ARID1B: variants seen among roughly 807,000 people sequenced by gnomAD.
ARID1B encodes AT-rich interactive domain-containing protein 1B.
ARID1B carries 30 observed loss-of-function variants against 212.3 expected under a neutral mutation model. The observed-to-expected ratio is 0.14, with a 90% CI of 0.11 to 0.19. ARID1B has a LOEUF of 0.19. ARID1B is among the 10% of genes least tolerant of loss of function. The pLI, the probability that ARID1B is intolerant of heterozygous loss-of-function variation, is 1.00. For synonymous variants in ARID1B, 1,402 were observed against 1,301.7 expected, an observed-to-expected ratio of 1.08 and a Z score of -1.66; for missense variants, 2,891 against 3,204.0, an observed-to-expected ratio of 0.90 and a Z score of 2.36.
intron 4 of ARID1B, among the ~76,000 whole-genome samples, chr6:157,045,507 C>T (rs749162845): frequency 1.3e-5 from 2 of 152,144 alleles, no homozygotes; most frequent in African/African-American, 2.4e-5. Context: ...CTCTCTGTCA[C>T]CCAGGCTGGA....
intron 12 of ARID1B, 123 bp from the exon 13 acceptor site, chr6:157,184,105 AATG>A: frequency 1.3e-6 from 1 of 798,550 alleles, no homozygotes; most frequent in Non-Finnish European, 2.0e-6. Flanking sequence ...GAGTGGGAGT[AATG>A]AGCATTAGTT....
chr6:157,085,112 A>G (rs1562605127), intron 5 of ARID1B, among the ~76,000 whole-genome samples: 1 of 152,204 alleles, frequency 6.6e-6, no homozygotes, highest in Non-Finnish European at 1.5e-5. Flanking sequence ...AAAATGACCA[A>G]TTACTTTGAT....
At chr6:156,830,336 C>G (rs189060308) in intron 2 of ARID1B, among the ~76,000 whole-genome samples, 1 of 152,144 alleles carries the variant, frequency 6.6e-6, no homozygotes, top group Admixed American at 6.5e-5. Context: ...GTGCGGCCGT[C>G]GGTAACCCAC....
At chr6:157,128,402 C>T (rs954894414) in intron 6 of ARID1B, among the ~76,000 whole-genome samples, 6 of 151,736 alleles carry the variant, frequency 4.0e-5, no homozygotes, top group Non-Finnish European at 8.8e-5. Context: ...TTCAAAAATG[C>T]AACAGGCATG....
At chr6:157,093,337 C>G (rs1785401584) in intron 5 of ARID1B, among the ~76,000 whole-genome samples, 1 of 152,124 alleles carries the variant, frequency 6.6e-6, no homozygotes, top group East Asian at 1.9e-4. Context: ...AGGTTTATTT[C>G]CCAGTCTTCT....
At chr6:157,161,391 A>G (rs1790918427) in intron 8 of ARID1B, among the ~76,000 whole-genome samples, 1 of 149,968 alleles carries the variant, frequency 6.7e-6, no homozygotes, top group African/African-American at 2.5e-5. Context: ...AAAATTGACC[A>G]GGGCTTGACG....
chr6:156,947,194 T>A (rs1176705882), intron 4 of ARID1B, among the ~76,000 whole-genome samples: 1 of 152,220 alleles, frequency 6.6e-6, no homozygotes, highest in Non-Finnish European at 1.5e-5. Context: ...GCTTTTAGGA[T>A]AGTGCAGTAA....
intron 4 of ARID1B, among the ~76,000 whole-genome samples, chr6:156,945,318 C>A (rs369989045): frequency 6.7e-5 from 8 of 119,922 alleles, no homozygotes; most frequent in African/African-American, 2.6e-4. Flanking sequence ...TGGTGTGTTA[C>A]AGTTCTCATT....
At chr6:157,180,893 T>G in intron 11 of ARID1B, 76 bp from the exon 12 acceptor site, 2 of 1,244,360 alleles carry the variant, frequency 1.6e-6, no homozygotes, top group Non-Finnish European at 2.3e-6. Context: ...TGTTAGCTCA[T>G]TACTTTTTTC....
At chr6:157,186,275 A>G in intron 13 of ARID1B, 1 of 348,232 alleles carries the variant, frequency 2.9e-6, no homozygotes, top group South Asian at 2.3e-5. Context: ...TTAAACTGTC[A>G]TTTTTATGGC....
chr6:157,084,573 A>G, intron 4 of ARID1B, 89 bp from the exon 5 acceptor site: 2 of 1,493,592 alleles, frequency 1.3e-6, no homozygotes, highest in Non-Finnish European at 1.8e-6. Flanking sequence ...TCATCTCTGA[A>G]GGGGACGTCA....
At chr6:157,123,233 C>A (rs1012805797) in intron 6 of ARID1B, among the ~76,000 whole-genome samples, 1 of 13,064 alleles carries the variant, frequency 7.7e-5, no homozygotes, top group Admixed American at 7.4e-4. Flanking sequence ...TCCCCCCCGC[C>A]CCCCGCCCCC....
intron 4 of ARID1B, among the ~76,000 whole-genome samples, chr6:157,041,488 A>C (rs1241390233): frequency 6.6e-6 from 1 of 152,256 alleles, no homozygotes; most frequent in Non-Finnish European, 1.5e-5. Context: ...TAAATTTCTT[A>C]AGAAATCTTA....
At position 157,058,633 on chromosome 6, in the gene ARID1B, A is replaced by G. The variant is rs144421427; in HGVS notation, c.2248-26029A>G. Among the ~76,000 whole-genome samples, 675 of 152,278 alleles carry G rather than the reference A, an allele frequency of 4.4e-3. 4 individuals are homozygous for G. Among genetic ancestry groups the G allele is most frequent in the African/African-American group, 0.015 (643 of 41,562 alleles). ...ACTGTGATGTCAGTCACCCTCTTTA[A>G]TATGGCCTGATGTTCACAGAAGCAA... is the stretch of plus-strand genomic sequence containing the variant. On this transcript the variant is annotated intron_variant, in intron 4 of 19. Transcript: ENST00000636930.
chr6:156,901,551 G>A (rs1192050445), intron 3 of ARID1B, 26 bp downstream of exon 3: 1 of 1,601,324 alleles, frequency 6.2e-7, no homozygotes. Flanking sequence ...TGCCCCGCAG[G>A]GCCCTGTTTT....
chr6:157,189,959 A>G (rs900856179), intron 14 of ARID1B, 79 bp from the exon 15 acceptor site: 20 of 1,585,454 alleles, frequency 1.3e-5, no homozygotes, highest in Middle Eastern at 1.7e-4. Flanking sequence ...ACATTTCAAG[A>G]TGGGTTCATC....
intron 4 of ARID1B, among the ~76,000 whole-genome samples, chr6:157,017,946 A>G (rs1270235114): frequency 6.9e-6 from 1 of 144,066 alleles, no homozygotes; most frequent in Non-Finnish European, 1.5e-5. Context: ...CCTGGGCAAC[A>G]TGAGACACCA....
intron 1 of ARID1B, among the ~76,000 whole-genome samples, chr6:156,801,141 A>G (rs1353004647): frequency 6.6e-6 from 1 of 151,794 alleles, no homozygotes; most frequent in African/African-American, 2.4e-5. Flanking sequence ...GCAAGTGTAG[A>G]ATGTGAGCTA....
chr6:156,819,700 G>C (rs907525250), intron 1 of ARID1B, among the ~76,000 whole-genome samples: 1 of 152,188 alleles, frequency 6.6e-6, no homozygotes. Context: ...CTCTGGGACA[G>C]TCTAGGCTGG....
Sources: gnomAD v4.1 joint callset for allele counts (sites outside exome capture counted in the v4.1 genomes callset) on GRCh38, gnomAD v4.1.1 for gene constraint, MANE v1.5 for transcripts, NCBI Gene and HGNC (gene_info 2026-07-23, HGNC 2026-07-21) for gene names.